Variants in PINX1 observed in about 807,000 individuals in gnomAD.
PINX1 encodes PIN2/TERF1-interacting telomerase inhibitor 1.
In PINX1, 34 loss-of-function variants were observed where a neutral mutation model predicts 25.4. The observed-to-expected ratio is 1.34, with a 90% CI of 1.02 to 1.78. The LOEUF is 1.78. Among genes scored for constraint, PINX1 ranks in the 40% most tolerant of loss-of-function variants. The probability of loss-of-function intolerance (pLI) is 0.00; values close to 1 mark genes in which losing one functional copy is unlikely to be tolerated. For synonymous variants in PINX1, 197 were observed against 147.7 expected (o/e 1.33, Z -2.42); for missense variants, 592 against 404.9 (o/e 1.46, Z -3.97).
chr8:10,830,976 T>A (rs1586208931), intron 4 of PINX1, among the ~76,000 whole-genome samples: 1 of 152,196 alleles, frequency 6.6e-6, no homozygotes, highest in East Asian at 1.9e-4. Context: ...AATCAGCATG[T>A]TGCAGAGGTA....
chr8:10,804,910 C>T (rs754054426), intron 6 of PINX1, among the ~76,000 whole-genome samples: 2 of 151,832 alleles, frequency 1.3e-5, no homozygotes, highest in African/African-American at 2.4e-5. Context: ...AGTGACCCTG[C>T]CTATACTTTA....
intron 6 of PINX1, among the ~76,000 whole-genome samples, chr8:10,814,188 A>C (rs1797623731): frequency 1.3e-5 from 2 of 152,202 alleles, no homozygotes; most frequent in Non-Finnish European, 2.9e-5. Context: ...TTCCAAATCA[A>C]TATACAACAA....
chr8:10,792,523 A>G (rs969118332), intron 6 of PINX1, among the ~76,000 whole-genome samples: 4 of 152,196 alleles, frequency 2.6e-5, no homozygotes, highest in African/African-American at 9.6e-5. Flanking sequence ...CATGGTTAAG[A>G]GCGCCTGGCA....
At chr8:10,803,791 T>C (rs947574294) in intron 6 of PINX1, among the ~76,000 whole-genome samples, 1 of 152,318 alleles carries the variant, frequency 6.6e-6, no homozygotes, top group East Asian at 1.9e-4. Flanking sequence ...AAAATACTCT[T>C]TTTCTGTTGA....
At chr8:10,772,875 T>C (rs1167806220) in intron 6 of PINX1, among the ~76,000 whole-genome samples, 1 of 152,054 alleles carries the variant, frequency 6.6e-6, no homozygotes, top group Non-Finnish European at 1.5e-5. Flanking sequence ...TCCAGAGGGT[T>C]CTCTCTAGAA....
At chr8:10,794,457 G>T (rs1314753431) in intron 6 of PINX1, among the ~76,000 whole-genome samples, 1 of 150,556 alleles carries the variant, frequency 6.6e-6, no homozygotes, top group East Asian at 1.9e-4. Context: ...TTTTTGAGAC[G>T]GAGTTTCGCT....
At chr8:10,823,986 T>C (rs1797956886) in intron 5 of PINX1, among the ~76,000 whole-genome samples, 1 of 152,234 alleles carries the variant, frequency 6.6e-6, no homozygotes, top group Admixed American at 6.5e-5. Context: ...GGACGATACA[T>C]GAGTTGCAAT....
chr8:10,767,408 T>TA (rs570142299), intron 6 of PINX1, among the ~76,000 whole-genome samples: 35 of 147,068 alleles, frequency 2.4e-4, no homozygotes, highest in South Asian at 6.5e-4. Context: ...AGGGGTACAT[T>TA]AAAAAAAAAA....
At chr8:10,835,212 T>C (rs1394194482) in intron 1 of PINX1, among the ~76,000 whole-genome samples, 1 of 152,204 alleles carries the variant, frequency 6.6e-6, no homozygotes, top group Non-Finnish European at 1.5e-5. Context: ...GCGCTTAAAA[T>C]AGTAAATGCC....
At chr8:10,833,941 T>G (rs1798312169) in intron 2 of PINX1, among the ~76,000 whole-genome samples, 1 of 152,206 alleles carries the variant, frequency 6.6e-6, no homozygotes, top group Non-Finnish European at 1.5e-5. Flanking sequence ...CTTGAAATGC[T>G]TACTCAAGTG....
chr8:10,834,699 C>CCG lies in PINX1; in HGVS notation c.94_95dup (p.Met33GlyfsTer3). On this transcript the variant is annotated frameshift_variant, in exon 2 of 7. Transcript: ENST00000314787. LOFTEE classifies it high-confidence loss of function. ...TAGACCACCCCATCTTCTCTAGCAT[C>CCG]CGCTGGCCAAACTTGGAATCGTCAT... The CCG allele has an allele frequency of 6.2e-7, 1 of 1,613,932 alleles. No homozygotes were observed. Among genetic ancestry groups the CCG allele is most frequent in the Non-Finnish European group, 8.5e-7 (1 of 1,179,842 alleles).
At chr8:10,809,125 A>G (rs2129082519) in intron 6 of PINX1, among the ~76,000 whole-genome samples, 1 of 152,314 alleles carries the variant, frequency 6.6e-6, no homozygotes, top group South Asian at 2.1e-4. Flanking sequence ...TTGGTCTCTA[A>G]TGGCGACACA....
At chr8:10,835,269 G>A (rs902834780) in intron 1 of PINX1, among the ~76,000 whole-genome samples, 1 of 152,202 alleles carries the variant, frequency 6.6e-6, no homozygotes, top group Non-Finnish European at 1.5e-5. Context: ...ATAATATTCA[G>A]TTTTCACAGT....
Position 10,765,303 on chromosome 8 carries a change from C to A in PINX1, c.*98G>T. On this transcript the variant is annotated 3_prime_UTR_variant, in exon 7 of 7. Transcript: ENST00000314787. ...GGGCATGCCACAAGATGCGCCCAGG[C>A]GCTCTGGGGTGAACTCTGCTGTGAC... is the stretch of plus-strand genomic sequence containing the variant. 3.4e-6 allele frequency: 4 copies of A among 1,187,682 alleles called. No homozygotes were observed. The highest frequency in any genetic ancestry group is 1.6e-5 in the South Asian group (1 of 60,998). 73.6% of individuals were successfully genotyped at this position (1,187,682 alleles called of 1,614,324 possible).
At chr8:10,768,295 G>A (rs1301916574) in intron 6 of PINX1, among the ~76,000 whole-genome samples, 1 of 152,212 alleles carries the variant, frequency 6.6e-6, no homozygotes, top group Non-Finnish European at 1.5e-5. Flanking sequence ...GATCTGAGTC[G>A]AATCCTATGA....
rs556179345 is a variant in PINX1 at position 10,768,085 on chromosome 8, G to C, written c.472-2169C>G. 1.3e-3 allele frequency among the ~76,000 whole-genome samples: 169 copies of C among 127,128 alleles called. 2 individuals carry two copies. The highest frequency in any genetic ancestry group is 4.9e-3 in the African/African-American group (162 of 33,194). 83.4% of individuals were successfully genotyped at this position (127,128 alleles called of 152,430 possible). A position where few individuals can be genotyped will look rare whatever the true frequency, so the allele number is the denominator to read the frequency against. ...GCACCCTCACAGCCACAAAGAGACA[G>C]GCTCGGTGACCAGACACCCTCACAG... On this transcript the variant is annotated intron_variant, in intron 6 of 6. Coordinates refer to ENST00000314787, the MANE Select transcript of PINX1 (RefSeq NM_017884.6).
In PINX1 at chr8:10,834,704, G is replaced by T. The variant is rs1798344263; in HGVS notation, c.91C>A (p.Gln31Lys). 1 of 1,613,714 alleles carries T rather than the reference G, an allele frequency of 6.2e-7. No homozygotes were observed. Among genetic ancestry groups the T allele is most frequent in the African/African-American group, 1.3e-5 (1 of 74,888 alleles). Residue 31 changes from glutamine (Q) to lysine (K), a missense_variant, in exon 2 of 7, where the codon CAG becomes AAG. By Grantham distance (53) the Gln-to-Lys change is moderately conservative (BLOSUM62 1). Transcript: ENST00000314787. ...AWSNDDSKFG[Q>K]RMLEKMGWSK... ...CACCCCATCTTCTCTAGCATCCGCT[G>T]GCCAAACTTGGAATCGTCATTACTC... is the stretch of plus-strand genomic sequence containing the variant.
At chr8:10,828,016 G>A (rs978996481) in intron 4 of PINX1, among the ~76,000 whole-genome samples, 3 of 151,830 alleles carry the variant, frequency 2.0e-5, no homozygotes, top group African/African-American at 7.3e-5. Context: ...AAACAAGCAC[G>A]TGTCCATTCA....
chr8:10,839,796 G>T lies in PINX1; in HGVS notation c.-40C>A. 6.3e-7 allele frequency: 1 copy of T among 1,589,352 alleles called. No individual in the cohort carries two copies. The highest frequency in any genetic ancestry group is 8.6e-7 in the Non-Finnish European group (1 of 1,166,134). On this transcript the variant is annotated 5_prime_UTR_variant, in exon 1 of 7. Coordinates refer to ENST00000314787, the MANE Select transcript of PINX1 (RefSeq NM_017884.6). ...GATACCGCCGCCTCTGGACCTGGGTGACTGCGGCCACTGGGCGGGCTGGAG... is the reference window on the plus strand; with the variant it reads ...GATACCGCCGCCTCTGGACCTGGGTTACTGCGGCCACTGGGCGGGCTGGAG...
Sources: gnomAD v4.1 joint callset for allele counts (sites outside exome capture counted in the v4.1 genomes callset) on GRCh38, gnomAD v4.1.1 for gene constraint, MANE v1.5 for transcripts, NCBI Gene and HGNC (gene_info 2026-07-23, HGNC 2026-07-21) for gene names.